SOS2: variants seen among roughly 807,000 people sequenced by gnomAD.
SOS2 encodes the protein SOS Ras/Rho guanine nucleotide exchange factor 2.
Under a neutral mutation model 148.2 loss-of-function variants are expected in SOS2, and 65 were observed. The ratio of observed to expected loss-of-function variants is 0.44; its 90% confidence interval spans 0.36 to 0.54. The LOEUF (loss-of-function observed/expected upper bound fraction) is 0.54. Among genes scored for constraint, SOS2 ranks in the 20% least tolerant of loss-of-function variants. SOS2 has a pLI of 0.00. For missense variants in SOS2, 1,341 were observed against 1,590.2 expected, an observed-to-expected ratio of 0.84 and a Z score of 2.67; for synonymous variants, 539 against 537.1, an observed-to-expected ratio of 1.00 and a Z score of -0.05.
At chr14:50,186,179 T>A (rs979916927) in intron 5 of SOS2, among the ~76,000 whole-genome samples, 4 of 152,116 alleles carry the variant, frequency 2.6e-5, no homozygotes, top group Non-Finnish European at 4.4e-5. Context: ...AAGTTTATAT[T>A]TTACTTAATG....
intron 12 of SOS2, among the ~76,000 whole-genome samples, chr14:50,153,928 A>G (rs928926428): frequency 9.9e-5 from 15 of 151,782 alleles, no homozygotes; most frequent in African/African-American, 3.6e-4. Flanking sequence ...TCAAATTTCT[A>G]TGTAATCTAC....
intron 8 of SOS2, among the ~76,000 whole-genome samples, chr14:50,166,190 TAAA>T (rs1885156199): frequency 6.6e-6 from 1 of 152,204 alleles, no homozygotes; most frequent in Admixed American, 6.5e-5. Flanking sequence ...TGCTTAAAAT[TAAA>T]AATAAAAGTG....
At chr14:50,226,350 C>T (rs1342705341) in intron 1 of SOS2, among the ~76,000 whole-genome samples, 1 of 152,158 alleles carries the variant, frequency 6.6e-6, no homozygotes, top group Admixed American at 6.6e-5. Context: ...TCAATGACAC[C>T]AGTTATATTT....
rs1470474866 is a variant in SOS2 at position 50,180,495 on chromosome 14, T to C, written c.969+77A>G. 9.1e-6 allele frequency: 6 copies of C among 655,998 alleles called. No homozygotes were observed. In the East Asian group the frequency reaches 1.7e-4, roughly 19 times the overall value. The allele number at this position is 655,998 out of a possible 1,614,324, so 40.6% of individuals were successfully genotyped here. On this transcript the variant is annotated intron_variant, in intron 7 of 22. Coordinates refer to ENST00000216373, the MANE Select transcript of SOS2 (RefSeq NM_006939.4). ...TACGAGGATTCCAGAATTACAAATA[T>C]TTGAAGGATAAAATAGTGAGATATT...
chr14:50,162,771 A>G (rs910982085), intron 8 of SOS2, among the ~76,000 whole-genome samples: 5 of 152,302 alleles, frequency 3.3e-5, no homozygotes, highest in African/African-American at 1.2e-4. Context: ...TGACTTATTA[A>G]TCTCTAAAAC....
chr14:50,181,726 G>A (rs572607511), intron 6 of SOS2, among the ~76,000 whole-genome samples: 63 of 152,062 alleles, frequency 4.1e-4, no homozygotes, highest in African/African-American at 1.4e-3. Flanking sequence ...ACATTCGTAT[G>A]TATGCACAGA....
chr14:50,149,950 A>G (rs1884608880), intron 14 of SOS2, 58 bp downstream of exon 14: 1 of 1,199,204 alleles, frequency 8.3e-7, no homozygotes, highest in Non-Finnish European at 1.2e-6. Context: ...ATGTTTTGAA[A>G]ATAGGTAATG....
chr14:50,118,526 G>A lies in SOS2; in HGVS notation c.3817C>T (p.Arg1273Ter). 6.2e-7 allele frequency: 1 copy of A among 1,614,112 alleles called. No individual in the cohort carries two copies. The highest frequency in any genetic ancestry group is 8.5e-7 in the Non-Finnish European group (1 of 1,179,990). Reference protein sequence around the residue: ...PSTPSPRVPRRCYVLSSSQNN... With the variant: ...PSTPSPRVPR ...TGACTAGAACTGAGCACATAGCATC[G>A]ACGCGGTACCCTTGGAGAGGGTGTG... The change falls in exon 23 of 23, where the codon CGA becomes TGA. Residue 1273 changes from arginine to a stop codon, truncating the protein, a stop_gained. Transcript: ENST00000216373. LOFTEE classifies it high-confidence loss of function.
chr14:50,224,314 T>TACAC lies in SOS2; in HGVS notation c.87+6879_87+6882dup, dbSNP rs71118856. Reference sequence around the variant, plus strand: ...TCAGGAAAAAAAAAAAATATATATATACACACACACACACACACACACACA... The same window carrying TACAC: ...TCAGGAAAAAAAAAAAATATATATATACACACACACACACACACACACACACACA... On this transcript the variant is annotated intron_variant, in intron 1 of 22. Transcript: ENST00000216373. 5.3e-3 allele frequency among the ~76,000 whole-genome samples: 537 copies of TACAC among 100,950 alleles called. 11 individuals are homozygous for TACAC. The highest frequency in any genetic ancestry group is 0.018 in the South Asian group (56 of 3,056). The allele number at this position is 100,950 out of a possible 152,430, so 66.2% of individuals were successfully genotyped here.
chr14:50,160,366 T>C (rs1884957420), intron 9 of SOS2, among the ~76,000 whole-genome samples: 1 of 145,050 alleles, frequency 6.9e-6, no homozygotes, highest in African/African-American at 2.5e-5. Context: ...CCTAATAATA[T>C]AACAATGCTA....
chr14:50,199,199 A>G (rs577328432), intron 4 of SOS2, among the ~76,000 whole-genome samples: 1 of 152,282 alleles, frequency 6.6e-6, no homozygotes, highest in African/African-American at 2.4e-5. Flanking sequence ...AATATAGAAG[A>G]ATATGGAAGA....
chr14:50,231,032 A>C, intron 1 of SOS2, 165 bp downstream of exon 1: 1 of 625,734 alleles, frequency 1.6e-6, no homozygotes, highest in Non-Finnish European at 2.3e-6. Context: ...AAACTTGAGA[A>C]ACGTCCTTCA....
chr14:50,120,658 A>C (rs550416841), intron 21 of SOS2, among the ~76,000 whole-genome samples: 1 of 151,936 alleles, frequency 6.6e-6, no homozygotes, highest in Non-Finnish European at 1.5e-5. Context: ...CTCCCTGAAA[A>C]GCCTTTCACA....
chr14:50,126,418 T>A (rs1445964290), intron 21 of SOS2, among the ~76,000 whole-genome samples: 1 of 152,176 alleles, frequency 6.6e-6, no homozygotes, highest in African/African-American at 2.4e-5. Context: ...GATATGCAAC[T>A]TAGCTGATTT....
At chr14:50,181,399 G>C (rs887417952) in intron 6 of SOS2, among the ~76,000 whole-genome samples, 9 of 150,538 alleles carry the variant, frequency 6.0e-5, no homozygotes, top group African/African-American at 2.2e-4. Flanking sequence ...AGTAAGACGA[G>C]ATCGTGCCAT....
At chr14:50,129,172 G>A (rs1443649013) in intron 21 of SOS2, among the ~76,000 whole-genome samples, 2 of 152,032 alleles carry the variant, frequency 1.3e-5, no homozygotes, top group East Asian at 3.8e-4. Flanking sequence ...TGATAGAATA[G>A]TGCTTTACTT....
In SOS2 at chr14:50,160,379, CTTTTTTTTTTT is replaced by C. The variant is rs200021758; in HGVS notation, c.1197-304_1197-294del. ...ATCCTAATAATATAACAATGCTAAT[CTTTTTTTTTTT>C]TTTTTTTTTTTTTTTTTTTTTTTGG... is the stretch of plus-strand genomic sequence containing the variant. On this transcript the variant is annotated intron_variant, in intron 9 of 22. Transcript: ENST00000216373. Among the ~76,000 whole-genome samples the C allele has an allele frequency of 8.9e-5, 7 of 78,928 alleles. No homozygotes were observed. The South Asian group carries it at 1.5e-3, about 17-fold the overall frequency. The allele number at this position is 78,928 out of a possible 152,430, so 51.8% of individuals were successfully genotyped here.
At chr14:50,120,418 C>G in intron 21 of SOS2, 34 bp from the exon 22 acceptor site, 1 of 990,330 alleles carries the variant, frequency 1.0e-6, no homozygotes, top group Non-Finnish European at 1.6e-6. Flanking sequence ...AACCACAATT[C>G]ACAGTATAAG....
rs929214540 is a variant in SOS2, at chr14:50,124,634, C to CA, written c.3380-4251dup. Among the ~76,000 whole-genome samples the CA allele has an allele frequency of 2.7e-4, 41 of 150,226 alleles. No homozygotes were observed. In the East Asian group the frequency reaches 3.5e-3, roughly 13 times the overall value. ...TACCATAGGCTTGCTCGTACTAAAA[C>CA]AAAAAAAAATACATTAATTCAAAAG... On this transcript the variant is annotated intron_variant, in intron 21 of 22. Coordinates refer to ENST00000216373, the MANE Select transcript of SOS2 (RefSeq NM_006939.4).
Sources: gnomAD v4.1 joint callset for allele counts (sites outside exome capture counted in the v4.1 genomes callset) on GRCh38, gnomAD v4.1.1 for gene constraint, MANE v1.5 for transcripts, NCBI Gene and HGNC (gene_info 2026-07-23, HGNC 2026-07-21) for gene names.